Variants in SENP7 observed in about 807,000 individuals in gnomAD.
SENP7 encodes the protein SUMO specific peptidase 7.
SENP7 carries 64 observed loss-of-function variants against 141.2 expected under a neutral mutation model. The observed-to-expected ratio is 0.45, with a 90% CI of 0.37 to 0.56. SENP7 has a LOEUF of 0.56. Ranked by LOEUF, SENP7 falls within the 20% of genes least tolerant of loss-of-function variation. SENP7 has a pLI of 0.00. For missense variants in SENP7, 1,025 were observed against 1,212.2 expected, an observed-to-expected ratio of 0.85 and a Z score of 2.29; for synonymous variants, 382 against 426.4, an observed-to-expected ratio of 0.90 and a Z score of 1.28.
chr3:101,399,970 A>G (rs750351649), intron 5 of SENP7, among the ~76,000 whole-genome samples: 4 of 152,236 alleles, frequency 2.6e-5, no homozygotes, highest in Non-Finnish European at 5.9e-5. Flanking sequence ...GGTGAGTTTT[A>G]TATCAAATGC....
rs553275079 is a variant in SENP7 at position 101,354,831 on chromosome 3, T to C, written c.1624-3180A>G. Among the ~76,000 whole-genome samples the C allele has an allele frequency of 3.3e-5, 5 of 152,274 alleles. No individual in the cohort carries two copies. In the South Asian group the frequency reaches 1.0e-3, roughly 32 times the overall value. On this transcript the variant is annotated intron_variant, in intron 11 of 23. Transcript: ENST00000394095. The stretch of plus-strand genomic sequence containing the variant: ...ATCGCCACATTACTTTCCACAATGA[T>C]TGAACTAATTTGCATCCCCCAACAA...
At chr3:101,332,228 T>TG (rs1274641651) in intron 18 of SENP7, 119 bp from the exon 19 acceptor site, 7 of 958,726 alleles carry the variant, frequency 7.3e-6, no homozygotes, top group Non-Finnish European at 1.1e-5. Flanking sequence ...AGACATCCAC[T>TG]GTAACATCTC....
At chr3:101,468,541 G>T (rs957562772) in intron 3 of SENP7, among the ~76,000 whole-genome samples, 4 of 152,136 alleles carry the variant, frequency 2.6e-5, no homozygotes, top group African/African-American at 9.7e-5. Flanking sequence ...AGAAGAGAGT[G>T]GGGGCCAATA....
Position 101,398,921 on chromosome 3 carries a change from T to C in SENP7, c.617A>G (p.Asp206Gly), listed in dbSNP as rs1239016830. ...LQSEQLSSSS[D>G]GSLESYQNLN... Reference sequence around the variant, plus strand: ...ATTTTGATAAGATTCTAGGCTGCCATCAGATGATGAAGAAAGTTGCTCTGA... The same window carrying C: ...ATTTTGATAAGATTCTAGGCTGCCACCAGATGATGAAGAAAGTTGCTCTGA... Residue 206 changes from aspartate to glycine, a missense_variant, in exon 6 of 24, where the codon GAT (aspartate) becomes GGT (glycine). Coordinates refer to ENST00000394095, the MANE Select transcript of SENP7 (RefSeq NM_020654.5). 1 of 1,612,626 alleles carries C rather than the reference T, an allele frequency of 6.2e-7. No homozygotes were observed. Among genetic ancestry groups the C allele is most frequent in the Non-Finnish European group, 8.5e-7 (1 of 1,179,084 alleles).
chr3:101,452,557 GCCGCATAACTACAA>G (rs2063183397), intron 4 of SENP7, among the ~76,000 whole-genome samples: 1 of 152,082 alleles, frequency 6.6e-6, no homozygotes, highest in East Asian at 1.9e-4. Flanking sequence ...CACAAATAAT[GCCGCATAACTACAA>G]CCATCTCATC....
At chr3:101,461,553 T>C (rs913383823) in intron 3 of SENP7, among the ~76,000 whole-genome samples, 1 of 151,480 alleles carries the variant, frequency 6.6e-6, no homozygotes, top group Non-Finnish European at 1.5e-5. Flanking sequence ...GGAACCTTCA[T>C]ACATTGCTAG....
intron 6 of SENP7, among the ~76,000 whole-genome samples, chr3:101,385,720 C>T (rs1160246006): frequency 6.6e-6 from 1 of 152,172 alleles, no homozygotes; most frequent in Non-Finnish European, 1.5e-5. Context: ...GGCAGCAGCC[C>T]AGTCATCTAG....
intron 4 of SENP7, among the ~76,000 whole-genome samples, chr3:101,430,761 T>C (rs940482374): frequency 1.3e-5 from 2 of 152,214 alleles, no homozygotes; most frequent in Non-Finnish European, 2.9e-5. Flanking sequence ...CTGTAGTTCT[T>C]TTAATTTTGA....
chr3:101,357,684 A>G, intron 11 of SENP7: 1 of 727,916 alleles, frequency 1.4e-6, no homozygotes, highest in South Asian at 1.5e-5. Context: ...AAAATATTTC[A>G]ATGTGATAAA....
At chr3:101,401,619 G>C (rs557274118) in intron 5 of SENP7, among the ~76,000 whole-genome samples, 24 of 152,166 alleles carry the variant, frequency 1.6e-4, no homozygotes, top group African/African-American at 5.8e-4. Flanking sequence ...TGATGATATG[G>C]AGAAAGTTAT....
chr3:101,371,149 C>T (rs2317744), intron 7 of SENP7, among the ~76,000 whole-genome samples: 60,345 of 151,854 alleles, frequency 0.4, 12,503 homozygotes, highest in Admixed American at 0.54. Context: ...ATTAGCCAGG[C>T]GTGGTGGTGC....
chr3:101,461,335 T>C (rs996503572), intron 3 of SENP7, among the ~76,000 whole-genome samples: 1 of 152,088 alleles, frequency 6.6e-6, no homozygotes, highest in African/African-American at 2.4e-5. Flanking sequence ...CCAAAATCCC[T>C]ATAAAAATAT....
At chr3:101,376,705 A>C (rs1049678431) in intron 6 of SENP7, among the ~76,000 whole-genome samples, 68 of 152,316 alleles carry the variant, frequency 4.5e-4, no homozygotes, top group African/African-American at 1.6e-3. Flanking sequence ...TAATGGGTGC[A>C]GCACACCAAC....
intron 1 of SENP7, 125 bp from the exon 2 acceptor site, chr3:101,501,244 C>A: frequency 1.6e-6 from 1 of 631,240 alleles, no homozygotes; most frequent in Non-Finnish European, 2.6e-6. Context: ...TTAGAATTTA[C>A]ACATTTTACA....
chr3:101,376,897 A>T (rs1468278920), intron 6 of SENP7, among the ~76,000 whole-genome samples: 5 of 152,188 alleles, frequency 3.3e-5, no homozygotes, highest in Non-Finnish European at 7.3e-5. Flanking sequence ...GAAAAAAAAG[A>T]ATTCAGAACT....
chr3:101,341,341 G>A lies in SENP7; in HGVS notation c.2240+305C>T, dbSNP rs139570854. Reference sequence around the variant, plus strand: ...TTTCCCTATCATATGTTCAGATAAGGAATGTAGAATTTTTAAAATCATACA... The same window carrying A: ...TTTCCCTATCATATGTTCAGATAAGAAATGTAGAATTTTTAAAATCATACA... On this transcript the variant is annotated intron_variant, in intron 15 of 23. Transcript: ENST00000394095. 8.7e-4 allele frequency among the ~76,000 whole-genome samples: 132 copies of A among 152,204 alleles called. 1 individual carries two copies. The highest frequency in any genetic ancestry group is 2.8e-3 in the African/African-American group (118 of 41,518).
intron 11 of SENP7, among the ~76,000 whole-genome samples, chr3:101,352,364 A>C (rs2553418): frequency 1 from 151,835 of 152,138 alleles, 75,766 homozygotes; most frequent in East Asian, 1. Context: ...AGCCAGAACA[A>C]CCTCTTCCCT....
At chr3:101,443,963 A>C (rs985225316) in intron 4 of SENP7, among the ~76,000 whole-genome samples, 5 of 150,300 alleles carry the variant, frequency 3.3e-5, no homozygotes, top group East Asian at 1.9e-4. Context: ...CAACCTACAA[A>C]ATGGGAGAAA....
chr3:101,365,292 T>C (rs1026705837), intron 9 of SENP7, among the ~76,000 whole-genome samples: 1 of 151,648 alleles, frequency 6.6e-6, no homozygotes, highest in African/African-American at 2.4e-5. Context: ...TGTGGGTCAC[T>C]GCACCCAGAC....
Sources: allele counts gnomAD v4.1 joint callset (sites outside exome capture counted in the v4.1 genomes callset), GRCh38; gene constraint gnomAD v4.1.1; transcripts MANE v1.5; gene names NCBI Gene and HGNC (gene_info 2026-07-23, HGNC 2026-07-21).